The following CDH13 variants were observed in gnomAD, a reference collection of about 807,000 sequenced individuals.
CDH13 encodes the protein cadherin-13.
A neutral mutation model predicts 63.8 loss-of-function variants in CDH13; 24 were observed. That is an observed-to-expected ratio of 0.38 (90% confidence interval 0.27 to 0.53). The LOEUF (loss-of-function observed/expected upper bound fraction) is 0.53, where lower values mean the gene tolerates loss of function less well. Among genes scored for constraint, CDH13 ranks in the 20% least tolerant of loss-of-function variants. CDH13 has a pLI of 0.85. For synonymous variants in CDH13, 503 were observed against 355.3 expected (o/e 1.42, Z -4.67); for missense variants, 1,049 against 903.1 (o/e 1.16, Z -2.07).
chr16:83,277,319 A>G (rs1442183634), intron 5 of CDH13, among the ~76,000 whole-genome samples: 1 of 152,172 alleles, frequency 6.6e-6, no homozygotes, highest in Non-Finnish European at 1.5e-5. Context: ...AGGTTGTCAG[A>G]TAACTATGTT....
chr16:83,574,106 G>A (rs1904892266), intron 7 of CDH13, among the ~76,000 whole-genome samples: 1 of 152,150 alleles, frequency 6.6e-6, no homozygotes, highest in African/African-American at 2.4e-5. Flanking sequence ...CTGAAAAAGA[G>A]ACCCTGCAGC....
chr16:83,694,876 A>G (rs1473988341), intron 10 of CDH13, among the ~76,000 whole-genome samples: 1 of 152,172 alleles, frequency 6.6e-6, no homozygotes, highest in Non-Finnish European at 1.5e-5. Flanking sequence ...AATCATCCAG[A>G]TAGATGTTTT....
At chr16:83,220,371 A>G (rs966524133) in intron 5 of CDH13, among the ~76,000 whole-genome samples, 2 of 152,198 alleles carry the variant, frequency 1.3e-5, no homozygotes, top group Non-Finnish European at 2.9e-5. Context: ...AGAATAAGTT[A>G]CTATTTTAGT....
intron 4 of CDH13, among the ~76,000 whole-genome samples, chr16:83,210,432 G>A (rs2039307565): frequency 6.6e-6 from 1 of 152,070 alleles, no homozygotes. Context: ...TGACCATTCT[G>A]GTTGCAATTA....
intron 4 of CDH13, among the ~76,000 whole-genome samples, chr16:83,188,109 G>A (rs1257492711): frequency 6.6e-6 from 1 of 152,222 alleles, no homozygotes; most frequent in Non-Finnish European, 1.5e-5. Context: ...AGCCCACCAT[G>A]AGGACTTTGG....
intron 7 of CDH13, among the ~76,000 whole-genome samples, chr16:83,518,213 T>C (rs111259589): frequency 0.047 from 7,162 of 152,124 alleles, 399 homozygotes; most frequent in African/African-American, 0.13. Flanking sequence ...GGCGTGATCT[T>C]GGCTCACTGC....
intron 5 of CDH13, among the ~76,000 whole-genome samples, chr16:83,281,285 C>G (rs2089165684): frequency 6.6e-6 from 1 of 152,222 alleles, no homozygotes; most frequent in Non-Finnish European, 1.5e-5. Context: ...TTCCTTAAAC[C>G]TCATGAACCA....
chr16:82,936,741 G>T (rs1198975838), intron 2 of CDH13, among the ~76,000 whole-genome samples: 1 of 152,164 alleles, frequency 6.6e-6, no homozygotes, highest in African/African-American at 2.4e-5. Context: ...GACGAGCACT[G>T]TGAGAATAGG....
At chr16:82,996,414 G>A (rs72792146) in intron 2 of CDH13, among the ~76,000 whole-genome samples, 19,168 of 152,000 alleles carry the variant, frequency 0.13, 1,560 homozygotes, top group African/African-American at 0.23. Context: ...GATCTTAGGC[G>A]GTTGTGCAAA....
At chr16:82,963,908 C>T (rs1016909791) in intron 2 of CDH13, among the ~76,000 whole-genome samples, 1 of 152,158 alleles carries the variant, frequency 6.6e-6, no homozygotes, top group African/African-American at 2.4e-5. Flanking sequence ...ATAGAGACCC[C>T]CAGCCTGCTC....
At chr16:83,043,914 G>C (rs1277528164) in intron 3 of CDH13, among the ~76,000 whole-genome samples, 2 of 151,880 alleles carry the variant, frequency 1.3e-5, no homozygotes, top group Non-Finnish European at 2.9e-5. Context: ...TTGAAATGTA[G>C]TATATATTTT....
At chr16:83,199,858 A>C (rs1412511487) in intron 4 of CDH13, among the ~76,000 whole-genome samples, 1 of 152,198 alleles carries the variant, frequency 6.6e-6, no homozygotes, top group African/African-American at 2.4e-5. Context: ...AGATTTGCCC[A>C]AGGTTAAAAC....
intron 7 of CDH13, among the ~76,000 whole-genome samples, chr16:83,571,586 G>C (rs537877290): frequency 1.3e-5 from 2 of 152,146 alleles, no homozygotes; most frequent in Non-Finnish European, 2.9e-5. Flanking sequence ...TACCATACCA[G>C]ATAATCAAGA....
chr16:83,770,927 T>C (rs1914717073), intron 11 of CDH13, among the ~76,000 whole-genome samples: 6 of 152,210 alleles, frequency 3.9e-5, no homozygotes, highest in Admixed American at 3.9e-4. Context: ...CCAGTAGATC[T>C]CTGCCTCATT....
At position 83,262,376 on chromosome 16, in the gene CDH13, G is replaced by C. The variant is rs550915006; in HGVS notation, c.636+44879G>C. On this transcript the variant is annotated intron_variant, in intron 5 of 13. Transcript: ENST00000567109. ...AGAGCCAGAGGAATCTCTTTTCCAT[G>C]CTGTCTCACCTGAAATGCTTGTCAA... is the stretch of plus-strand genomic sequence containing the variant. Among the ~76,000 whole-genome samples the C allele has an allele frequency of 4.1e-4, 62 of 152,266 alleles. 1 individual carries two copies. Among genetic ancestry groups the C allele is most frequent in the African/African-American group, 1.4e-3 (59 of 41,540 alleles).
intron 2 of CDH13, among the ~76,000 whole-genome samples, chr16:83,003,328 A>G (rs899954878): frequency 6.6e-6 from 1 of 151,858 alleles, no homozygotes; most frequent in Non-Finnish European, 1.5e-5. Context: ...ATGTTTCAGT[A>G]GCTTTGTGAC....
At chr16:82,761,911 A>C (rs747674809) in intron 1 of CDH13, among the ~76,000 whole-genome samples, 5 of 152,242 alleles carry the variant, frequency 3.3e-5, no homozygotes, top group Non-Finnish European at 7.3e-5. Context: ...ACTTTAGATA[A>C]TAAGAAAAAT....
At chr16:83,543,903 A>G (rs527805320) in intron 7 of CDH13, among the ~76,000 whole-genome samples, 1 of 152,350 alleles carries the variant, frequency 6.6e-6, no homozygotes, top group South Asian at 2.1e-4. Flanking sequence ...TCAATGGGCA[A>G]GACCAAGACT....
At chr16:82,843,866 C>T in intron 1 of CDH13, among the ~76,000 whole-genome samples, 1 of 152,204 alleles carries the variant, frequency 6.6e-6, no homozygotes, top group South Asian at 2.1e-4. Flanking sequence ...CCAGGCCTGG[C>T]TCTGTGACTA....
Sources: gnomAD v4.1 joint callset for allele counts (sites outside exome capture counted in the v4.1 genomes callset) on GRCh38, gnomAD v4.1.1 for gene constraint, MANE v1.5 for transcripts, NCBI Gene and HGNC (gene_info 2026-07-23, HGNC 2026-07-21) for gene names.